TLK2: variants seen among roughly 807,000 people sequenced by gnomAD.
TLK2 encodes the protein tousled like kinase 2, also known as serine/threonine-protein kinase tousled-like 2.
TLK2 carries 6 observed loss-of-function variants against 117.3 expected under a neutral mutation model. The observed-to-expected ratio is 0.05, with a 90% CI of 0.03 to 0.10. TLK2 has a LOEUF of 0.10. Ranked by LOEUF, TLK2 falls within the 10% of genes least tolerant of loss-of-function variation. The pLI is 1.00. For missense variants in TLK2, 299 were observed against 901.2 expected (o/e 0.33, Z 8.56); for synonymous variants, 257 against 316.7 (o/e 0.81, Z 2.00).
At chr17:62,524,361 C>T (rs748386480) in intron 6 of TLK2, 30 bp downstream of exon 6, 5 of 1,587,826 alleles carry the variant, frequency 3.1e-6, no homozygotes, top group Non-Finnish European at 3.4e-6. Flanking sequence ...AATTTGACAC[C>T]TGTTGTAGGA....
intron 17 of TLK2, 76 bp from the exon 18 acceptor site, chr17:62,600,575 C>A: frequency 7.7e-7 from 1 of 1,305,962 alleles, no homozygotes; most frequent in Non-Finnish European, 1.0e-6. Context: ...CTGAAGTTTT[C>A]ACATGGGACT....
intron 2 of TLK2, among the ~76,000 whole-genome samples, chr17:62,517,719 A>G (rs1467443040): frequency 6.6e-6 from 1 of 151,264 alleles, no homozygotes; most frequent in East Asian, 1.9e-4. Context: ...ATTTTTTGAG[A>G]TGGAGTCTCA....
intron 19 of TLK2, 128 bp downstream of exon 19, chr17:62,602,308 C>A (rs2082929120): frequency 2.4e-6 from 2 of 839,812 alleles, no homozygotes; most frequent in Non-Finnish European, 3.5e-6. Context: ...AGCAGACTTT[C>A]TCCCCAAATC....
At chr17:62,537,597 C>T (rs1372714456) in intron 7 of TLK2, among the ~76,000 whole-genome samples, 1 of 152,124 alleles carries the variant, frequency 6.6e-6, no homozygotes, top group Non-Finnish European at 1.5e-5. Flanking sequence ...AACAGAATGG[C>T]TTCCTGTCCA....
At chr17:62,499,516 C>A (rs559423479) in intron 2 of TLK2, among the ~76,000 whole-genome samples, 3 of 152,126 alleles carry the variant, frequency 2.0e-5, no homozygotes, top group African/African-American at 4.8e-5. Context: ...AAAATTGTTA[C>A]ATACTCTGGA....
At chr17:62,571,743 C>G (rs949493582) in intron 11 of TLK2, among the ~76,000 whole-genome samples, 2 of 152,142 alleles carry the variant, frequency 1.3e-5, no homozygotes, top group Non-Finnish European at 2.9e-5. Flanking sequence ...TTGTGGGTAT[C>G]TACCTTAGAG....
intron 6 of TLK2, among the ~76,000 whole-genome samples, chr17:62,529,331 G>T (rs966693787): frequency 6.6e-6 from 1 of 152,066 alleles, no homozygotes; most frequent in Non-Finnish European, 1.5e-5. Flanking sequence ...CCGCCTCCTG[G>T]GTTCAAGTGA....
intron 20 of TLK2, among the ~76,000 whole-genome samples, chr17:62,607,528 C>T (rs1446868564): frequency 1.3e-5 from 2 of 149,744 alleles, no homozygotes; most frequent in South Asian, 2.1e-4. Context: ...GACTCCATCT[C>T]AAAAAAAAAG....
chr17:62,561,154 G>T (rs1447757960), intron 10 of TLK2, among the ~76,000 whole-genome samples: 3 of 152,138 alleles, frequency 2.0e-5, no homozygotes, highest in African/African-American at 7.2e-5. Flanking sequence ...CAAAGGACAT[G>T]AACTCATCAT....
intron 2 of TLK2, among the ~76,000 whole-genome samples, chr17:62,515,571 T>G (rs1460641157): frequency 6.6e-6 from 1 of 152,194 alleles, no homozygotes; most frequent in Non-Finnish European, 1.5e-5. Flanking sequence ...AGTTGCAGTT[T>G]CCTAAAATTA....
At chr17:62,510,556 G>A (rs2075064329) in intron 2 of TLK2, among the ~76,000 whole-genome samples, 1 of 152,164 alleles carries the variant, frequency 6.6e-6, no homozygotes, top group Non-Finnish European at 1.5e-5. Context: ...TAGTTCTGAA[G>A]ACTAGAAGTG....
intron 6 of TLK2, among the ~76,000 whole-genome samples, chr17:62,531,252 T>A (rs2076719317): frequency 1.5e-5 from 2 of 134,614 alleles, no homozygotes; most frequent in African/African-American, 5.3e-5. Flanking sequence ...TTACCATGGC[T>A]TTTGACTTTT....
intron 2 of TLK2, among the ~76,000 whole-genome samples, chr17:62,506,170 A>T (rs975860654): frequency 6.6e-6 from 1 of 152,204 alleles, no homozygotes; most frequent in African/African-American, 2.4e-5. Context: ...TTAGTAGTGT[A>T]ATTTTTGGAA....
chr17:62,516,352 A>C, intron 2 of TLK2: 1 of 1,519,386 alleles, frequency 6.6e-7, no homozygotes, highest in Non-Finnish European at 9.0e-7. Context: ...TCCACAACCA[A>C]ATCCGCCTCT....
At chr17:62,575,231 A>T (rs1255600317) in intron 12 of TLK2, among the ~76,000 whole-genome samples, 1 of 152,248 alleles carries the variant, frequency 6.6e-6, no homozygotes, top group African/African-American at 2.4e-5. Context: ...CCAGTTTTTA[A>T]TTAGAGTATC....
At chr17:62,586,437 A>G (rs2081610096) in intron 16 of TLK2, among the ~76,000 whole-genome samples, 1 of 152,198 alleles carries the variant, frequency 6.6e-6, no homozygotes, top group East Asian at 1.9e-4. Flanking sequence ...TGGTATTTAA[A>G]TCCAGACTTT....
chr17:62,572,176 CAAA>C (rs111925931), intron 11 of TLK2, among the ~76,000 whole-genome samples: 8 of 54,596 alleles, frequency 1.5e-4, no homozygotes, highest in Admixed American at 2.1e-4. Context: ...GGCTCTGTCT[CAAA>C]AAAAAAAAAA....
chr17:62,499,475 C>T (rs2074003065), intron 2 of TLK2, among the ~76,000 whole-genome samples: 1 of 151,988 alleles, frequency 6.6e-6, no homozygotes, highest in Admixed American at 6.6e-5. Flanking sequence ...TATTTTTTAC[C>T]TACTAATCGT....
At chr17:62,609,871 A>G (rs572633346) in intron 21 of TLK2, among the ~76,000 whole-genome samples, 2 of 152,330 alleles carry the variant, frequency 1.3e-5, no homozygotes, top group African/African-American at 4.8e-5. Flanking sequence ...TGCTATGATC[A>G]TACCTATGAA....
Sources: gnomAD v4.1 joint callset for allele counts (sites outside exome capture counted in the v4.1 genomes callset) on GRCh38, gnomAD v4.1.1 for gene constraint, MANE v1.5 for transcripts, NCBI Gene and HGNC (gene_info 2026-07-23, HGNC 2026-07-21) for gene names.